The following PTPN12 variants were observed in gnomAD, a reference collection of about 807,000 sequenced individuals.
PTPN12 encodes tyrosine-protein phosphatase non-receptor type 12.
Under a neutral mutation model 97.6 loss-of-function variants are expected in PTPN12, and 29 were observed. That is an observed-to-expected ratio of 0.30 (90% CI 0.22 to 0.41). The LOEUF is 0.41. Among genes scored for constraint, PTPN12 ranks in the 10% least tolerant of loss-of-function variants. The probability of loss-of-function intolerance (pLI) is 1.00; values close to 1 mark genes in which losing one functional copy is unlikely to be tolerated. For synonymous variants in PTPN12, 327 were observed against 300.4 expected, an observed-to-expected ratio of 1.09 and a Z score of -0.91; for missense variants, 819 against 926.0, an observed-to-expected ratio of 0.88 and a Z score of 1.50.
intron 1 of PTPN12, among the ~76,000 whole-genome samples, chr7:77,566,488 A>G (rs1401740120): frequency 6.6e-6 from 1 of 152,044 alleles, no homozygotes; most frequent in African/African-American, 2.4e-5. Context: ...TTGGGAGGCT[A>G]AGGTGGGCAG....
chr7:77,604,233 T>TG (rs1788283614), intron 8 of PTPN12, among the ~76,000 whole-genome samples: 1 of 140,494 alleles, frequency 7.1e-6, no homozygotes, highest in Admixed American at 7.3e-5. Flanking sequence ...TTTTTTTTTT[T>TG]GAGACGGAGT....
chr7:77,600,670 C>T lies in PTPN12; in HGVS notation c.559C>T (p.Arg187Cys), dbSNP rs1051317645. 3.1e-6 allele frequency: 5 copies of T among 1,594,862 alleles called. No individual in the cohort carries two copies. Among genetic ancestry groups the T allele is most frequent in the Non-Finnish European group, 3.4e-6 (4 of 1,173,626 alleles). The part of the protein sequence containing the change: ...TLLLEFQNES[R>C]RLYQFHYVNW... ...CTTTCTGTTTTTCTTGAAGGAATCT[C>T]GTAGGCTGTATCAGTTTCATTATGT... is the stretch of plus-strand genomic sequence containing the variant. The change falls in exon 8 of 18, where the codon CGT (arginine) becomes TGT (cysteine). Residue 187 changes from arginine to cysteine, a missense_variant. By Grantham distance (180) the Arg-to-Cys change is radical (BLOSUM62 -3). Transcript: ENST00000248594.
chr7:77,566,589 C>G (rs1018997534), intron 1 of PTPN12, among the ~76,000 whole-genome samples: 2 of 152,054 alleles, frequency 1.3e-5, no homozygotes, highest in African/African-American at 4.8e-5. Flanking sequence ...CGTGGCGGTG[C>G]GTGCCTATAG....
intron 9 of PTPN12, among the ~76,000 whole-genome samples, chr7:77,610,510 C>T (rs1788535177): frequency 6.6e-6 from 1 of 152,184 alleles, no homozygotes; most frequent in Non-Finnish European, 1.5e-5. Context: ...AACAGTTAGC[C>T]ATAGCCTCTT....
rs1035532433 is a variant in PTPN12, at chr7:77,628,723, A to G, written c.1996+1048A>G. 3.3e-5 allele frequency among the ~76,000 whole-genome samples: 5 copies of G among 151,990 alleles called. No individual in the cohort carries two copies. The South Asian group carries it at 8.3e-4, about 25-fold the overall frequency. On this transcript the variant is annotated intron_variant, in intron 13 of 17. Coordinates refer to ENST00000248594, the MANE Select transcript of PTPN12 (RefSeq NM_002835.4). ...CAGCTAATTTTTATGTTTTTAGTAG[A>G]GACAGGGTTTCGATATGTTTGCCAG...
At chr7:77,559,994 T>C (rs566784281) in intron 1 of PTPN12, among the ~76,000 whole-genome samples, 1 of 152,350 alleles carries the variant, frequency 6.6e-6, no homozygotes, top group African/African-American at 2.4e-5. Flanking sequence ...ATATGCCTCA[T>C]TAGAGCAGGG....
chr7:77,561,035 T>G (rs1471953033), intron 1 of PTPN12, among the ~76,000 whole-genome samples: 3 of 152,224 alleles, frequency 2.0e-5, no homozygotes, highest in Non-Finnish European at 4.4e-5. Context: ...GGTTCCAGTT[T>G]CTCCATATCC....
chr7:77,537,875 A>C, intron 1 of PTPN12, among the ~76,000 whole-genome samples: 1 of 150,292 alleles, frequency 6.7e-6, no homozygotes, highest in Non-Finnish European at 1.5e-5. Flanking sequence ...GGTTCCCGGG[A>C]CGCGAAGGGA....
chr7:77,600,156 T>C (rs1788147122), intron 7 of PTPN12, among the ~76,000 whole-genome samples: 1 of 152,184 alleles, frequency 6.6e-6, no homozygotes, highest in African/African-American at 2.4e-5. Flanking sequence ...ACTAGTGAGT[T>C]TGGCATTGGA....
chr7:77,585,387 A>C, intron 4 of PTPN12, 156 bp from the exon 5 acceptor site: 1 of 550,122 alleles, frequency 1.8e-6, no homozygotes, highest in Non-Finnish European at 3.2e-6. Context: ...AATTTTGATA[A>C]TTTCTTTAAC....
intron 2 of PTPN12, among the ~76,000 whole-genome samples, chr7:77,571,695 TTTTATTTATTTA>T (rs61370850): frequency 0.018 from 2,786 of 150,794 alleles, 32 homozygotes; most frequent in Middle Eastern, 0.071. Flanking sequence ...TCTAATGATA[TTTTATTTATTTA>T]TTTATTTATT....
rs201734876 is a variant in PTPN12 at position 77,635,871 on chromosome 7, A to G, written c.2142+22A>G. The G allele has an allele frequency of 4.0e-4, 626 of 1,548,126 alleles. 2 individuals carry two copies. Among genetic ancestry groups the G allele is most frequent in the Non-Finnish European group, 4.5e-4 (512 of 1,130,782 alleles). The stretch of plus-strand genomic sequence containing the variant: ...TGAAGTAAGTCCTTTTGGAATTGGA[A>G]CAGTTATAGCTTAACATTTCTACTC... On this transcript the variant is annotated intron_variant, in intron 15 of 17. Transcript: ENST00000248594.
chr7:77,574,264 A>G (rs535623315), intron 2 of PTPN12, among the ~76,000 whole-genome samples: 2 of 152,250 alleles, frequency 1.3e-5, no homozygotes, highest in South Asian at 2.1e-4. Context: ...GGTAGTGGGA[A>G]AGGTTAGTGG....
intron 13 of PTPN12, among the ~76,000 whole-genome samples, chr7:77,631,774 C>A (rs2151403296): frequency 6.6e-6 from 1 of 152,284 alleles, no homozygotes; most frequent in South Asian, 2.1e-4. Flanking sequence ...TTTTAAAAAA[C>A]TTTAATAGCT....
At chr7:77,636,900 G>C in intron 15 of PTPN12, 118 bp from the exon 16 acceptor site, 1 of 673,772 alleles carries the variant, frequency 1.5e-6, no homozygotes, top group Non-Finnish European at 2.5e-6. Context: ...CTTTTCCTCT[G>C]ATGCTGAAAA....
intron 1 of PTPN12, among the ~76,000 whole-genome samples, chr7:77,541,855 G>T (rs1197758643): frequency 6.6e-6 from 1 of 152,160 alleles, no homozygotes; most frequent in Non-Finnish European, 1.5e-5. Flanking sequence ...TTATTTGCAT[G>T]TTGAAAACAT....
At chr7:77,570,999 T>C in intron 1 of PTPN12, 79 bp from the exon 2 acceptor site, 2 of 846,000 alleles carry the variant, frequency 2.4e-6, no homozygotes, top group South Asian at 1.9e-5. Context: ...TGTGAGGAAT[T>C]GGGGTCACCA....
chr7:77,548,019 A>G (rs1807301018), intron 1 of PTPN12, among the ~76,000 whole-genome samples: 1 of 152,182 alleles, frequency 6.6e-6, no homozygotes, highest in Non-Finnish European at 1.5e-5. Flanking sequence ...ATTATGGCAT[A>G]GTTGTTTGAT....
chr7:77,548,688 AT>A lies in PTPN12; in HGVS notation c.99+11045del, dbSNP rs1444057432. ...AGAGTAGAGCATAAATATCCTCAAA[AT>A]TACAAAAAAAGTTTTCTGTCAGTAT... On this transcript the variant is annotated intron_variant, in intron 1 of 17. Transcript: ENST00000248594. 1.1e-4 allele frequency among the ~76,000 whole-genome samples: 16 copies of A among 152,294 alleles called. No homozygotes were observed. In the East Asian group the frequency reaches 3.1e-3, roughly 29 times the overall value.
Sources: allele counts gnomAD v4.1 joint callset (sites outside exome capture counted in the v4.1 genomes callset), GRCh38; gene constraint gnomAD v4.1.1; transcripts MANE v1.5; gene names NCBI Gene and HGNC (gene_info 2026-07-23, HGNC 2026-07-21).